The following PTPRG variants were observed in gnomAD, a reference collection of about 807,000 sequenced individuals.
PTPRG encodes protein tyrosine phosphatase receptor type G.
A neutral mutation model predicts 165.3 loss-of-function variants in PTPRG; 102 were observed. The observed-to-expected ratio is 0.62, with a 90% CI of 0.53 to 0.73. The LOEUF (loss-of-function observed/expected upper bound fraction) is 0.73. Ranked by LOEUF, PTPRG falls within the 30% of genes least tolerant of loss-of-function variation. The probability of loss-of-function intolerance (pLI) is 0.00; values close to 1 mark genes in which losing one functional copy is unlikely to be tolerated. For missense variants in PTPRG, 1,866 were observed against 1,861.4 expected (o/e 1.00, Z -0.05); for synonymous variants, 675 against 669.5 (o/e 1.01, Z -0.13).
At chr3:61,880,310 T>C (rs1228148435) in intron 2 of PTPRG, among the ~76,000 whole-genome samples, 1 of 152,210 alleles carries the variant, frequency 6.6e-6, no homozygotes, top group Admixed American at 6.5e-5. Flanking sequence ...TATTTTAGAA[T>C]ACATTTAGCA....
rs182364576 is a variant in PTPRG at position 62,191,424 on chromosome 3, G to T, written c.1034-45G>T. On this transcript the variant is annotated intron_variant, in intron 8 of 29. Transcript: ENST00000474889. ...TCCTTAGGGGCACGGATTGAATGGC[G>T]CATTGTTCTGAAAGCTCCCTGAGCT... 171 of 1,581,984 alleles carry T rather than the reference G, an allele frequency of 1.1e-4. No individual in the cohort carries two copies. In the African/African-American group the frequency reaches 1.3e-3, roughly 12 times the overall value.
At chr3:61,653,318 C>T (rs1702412362) in intron 1 of PTPRG, among the ~76,000 whole-genome samples, 1 of 151,762 alleles carries the variant, frequency 6.6e-6, no homozygotes, top group Non-Finnish European at 1.5e-5. Flanking sequence ...TTAAATTATC[C>T]CCCTTTTTTT....
intron 2 of PTPRG, among the ~76,000 whole-genome samples, chr3:61,779,705 A>G (rs1337711822): frequency 6.6e-6 from 1 of 152,190 alleles, no homozygotes; most frequent in Non-Finnish European, 1.5e-5. Flanking sequence ...GAGTATTCCA[A>G]GAAGTTTATG....
At chr3:61,946,024 ATCTC>A (rs1221257928) in intron 2 of PTPRG, among the ~76,000 whole-genome samples, 2 of 152,124 alleles carry the variant, frequency 1.3e-5, no homozygotes, top group Non-Finnish European at 2.9e-5. Flanking sequence ...CTTTACTATT[ATCTC>A]TCTCTTTGTA....
chr3:62,271,032 A>T lies in PTPRG; in HGVS notation c.3010-351A>T, dbSNP rs1007521086. Among the ~76,000 whole-genome samples, 1 of 152,208 alleles carries T rather than the reference A, an allele frequency of 6.6e-6. No individual in the cohort carries two copies. The highest frequency in any genetic ancestry group is 1.5e-5 in the Non-Finnish European group (1 of 68,036). On this transcript the variant is annotated intron_variant, in intron 20 of 29. Transcript: ENST00000474889. This position sits in a 1 kb window ranked among gnomAD's most constrained non-coding sequence, Gnocchi z 4.1. The stretch of plus-strand genomic sequence containing the variant: ...TCACAGCCCACAGAGACATGAAAGC[A>T]AAGTACTAAGATCTGGACTTGGGGC...
At chr3:62,125,794 C>T (rs1168527285) in intron 5 of PTPRG, among the ~76,000 whole-genome samples, 1 of 151,652 alleles carries the variant, frequency 6.6e-6, no homozygotes, top group East Asian at 1.9e-4. Flanking sequence ...TCTGTTTTAC[C>T]TCTCCGGTTC....
chr3:61,733,875 G>GAGATTA (rs2032615890), intron 1 of PTPRG, among the ~76,000 whole-genome samples: 1 of 152,118 alleles, frequency 6.6e-6, no homozygotes, highest in South Asian at 2.1e-4. Flanking sequence ...TCAGCTCACT[G>GAGATTA]CAACCTTTGC....
At position 61,617,385 on chromosome 3, in the gene PTPRG, C is replaced by T. The variant is rs144923506; in HGVS notation, c.85+55013C>T. On this transcript the variant is annotated intron_variant, in intron 1 of 29. Transcript: ENST00000474889. ...TGGATAAAATAGTCAGGGACTTGTT[C>T]GGCATGTGGGTTGCTCAGGGTGTAC... Among the ~76,000 whole-genome samples the T allele has an allele frequency of 2.5e-3, 382 of 152,212 alleles. 1 individual carries two copies. The highest frequency in any genetic ancestry group is 8.9e-3 in the African/African-American group (369 of 41,538).
At chr3:62,099,733 C>T (rs149109130) in intron 5 of PTPRG, among the ~76,000 whole-genome samples, 259 of 149,882 alleles carry the variant, frequency 1.7e-3, no homozygotes, top group African/African-American at 6.1e-3. Flanking sequence ...CTCATCAAAG[C>T]ATTTAATATA....
At chr3:62,042,968 G>A (rs1035513231) in intron 4 of PTPRG, among the ~76,000 whole-genome samples, 4 of 152,068 alleles carry the variant, frequency 2.6e-5, no homozygotes, top group Admixed American at 1.3e-4. Flanking sequence ...TTTTACTTAC[G>A]TACAATTAAG....
intron 2 of PTPRG, among the ~76,000 whole-genome samples, chr3:61,986,648 T>C (rs2040769903): frequency 6.6e-6 from 1 of 152,202 alleles, no homozygotes; most frequent in African/African-American, 2.4e-5. Context: ...CTGTGTTTTC[T>C]ACCCCGCCCT....
chr3:62,056,956 CGCATT>C (rs1700654835), intron 4 of PTPRG, among the ~76,000 whole-genome samples: 1 of 152,176 alleles, frequency 6.6e-6, no homozygotes, highest in Non-Finnish European at 1.5e-5. Context: ...AGACTGAAAG[CGCATT>C]ATGCATGCTG....
At chr3:61,944,371 G>A (rs1379470078) in intron 2 of PTPRG, among the ~76,000 whole-genome samples, 1 of 152,170 alleles carries the variant, frequency 6.6e-6, no homozygotes, top group African/African-American at 2.4e-5. Context: ...ATTGGCAGTG[G>A]GATTCTTCTT....
At chr3:62,230,700 A>G (rs112773878) in intron 13 of PTPRG, among the ~76,000 whole-genome samples, 21 of 152,326 alleles carry the variant, frequency 1.4e-4, no homozygotes, top group African/African-American at 4.1e-4. Context: ...TTATTCTCCA[A>G]TCTGTATTGT....
chr3:62,069,684 T>TCTCTCACACACA lies in PTPRG; in HGVS notation c.520-8478_520-8477insTCTCACACACAC, dbSNP rs542306888. Among the ~76,000 whole-genome samples, 555 of 144,882 alleles carry TCTCTCACACACA rather than the reference T, an allele frequency of 3.8e-3. 4 individuals are homozygous for TCTCTCACACACA. The highest frequency in any genetic ancestry group is 0.011 in the African/African-American group (398 of 37,706). On this transcript the variant is annotated intron_variant, in intron 4 of 29. Transcript: ENST00000474889. ...CTCTCTCTCTCTCTCTCTCTCTCTC[T>TCTCTCACACACA]CACACACAGACACACGCACACACAC... is the stretch of plus-strand genomic sequence containing the variant.
chr3:62,121,756 G>A (rs2106892560), intron 5 of PTPRG, among the ~76,000 whole-genome samples: 1 of 152,300 alleles, frequency 6.6e-6, no homozygotes, highest in Non-Finnish European at 1.5e-5. Flanking sequence ...AAGATCCTGA[G>A]CACAGTTGCT....
At chr3:62,180,300 A>G (rs1223479690) in intron 8 of PTPRG, among the ~76,000 whole-genome samples, 1 of 152,114 alleles carries the variant, frequency 6.6e-6, no homozygotes, top group Non-Finnish European at 1.5e-5. Flanking sequence ...TTAGAGCTCT[A>G]TTTTAGGTGA....
intron 1 of PTPRG, among the ~76,000 whole-genome samples, chr3:61,703,119 G>A (rs1575598957): frequency 6.6e-6 from 1 of 151,260 alleles, no homozygotes; most frequent in Non-Finnish European, 1.5e-5. Context: ...TTTAAAGCCT[G>A]TATTTCTCCC....
At chr3:61,800,309 A>G (rs1019117100) in intron 2 of PTPRG, among the ~76,000 whole-genome samples, 3 of 152,158 alleles carry the variant, frequency 2.0e-5, no homozygotes, top group Admixed American at 2.0e-4. Context: ...TACAGCTCCA[A>G]TTTCAAAAAT....
Sources: gnomAD v4.1 joint callset for allele counts (sites outside exome capture counted in the v4.1 genomes callset) on GRCh38, gnomAD v4.1.1 for gene constraint, Gnocchi (gnomAD v3.1) non-coding constraint, MANE v1.5 for transcripts, NCBI Gene and HGNC (gene_info 2026-07-23, HGNC 2026-07-21) for gene names.